ERBB4: variants seen among roughly 807,000 people sequenced by gnomAD.
ERBB4 encodes erb-b2 receptor tyrosine kinase 4, also known as receptor tyrosine-protein kinase erbB-4.
In ERBB4, 42 loss-of-function variants were observed where a neutral mutation model predicts 158.0. The observed-to-expected ratio is 0.27, with a 90% CI of 0.21 to 0.34. The LOEUF (loss-of-function observed/expected upper bound fraction) is 0.34, where lower values mean the gene tolerates loss of function less well. Ranked by LOEUF, ERBB4 falls within the 10% of genes least tolerant of loss-of-function variation. ERBB4 has a pLI of 1.00. For synonymous variants in ERBB4, 583 were observed against 558.7 expected (o/e 1.04, Z -0.61); for missense variants, 1,333 against 1,624.1 (o/e 0.82, Z 3.08).
Position 211,488,187 on chromosome 2 carries a change from T to G in ERBB4, c.2488-57087A>C, listed in dbSNP as rs527884031. Among the ~76,000 whole-genome samples, 6 of 152,220 alleles carry G rather than the reference T, an allele frequency of 3.9e-5. No homozygotes were observed. In the South Asian group the frequency reaches 1.2e-3, roughly 32 times the overall value. Reference sequence around the variant, plus strand: ...AATGTGATTGTTCCTTCCCCCAGCATGTACACTTCCAATACTCAACGGAAT... The same window carrying G: ...AATGTGATTGTTCCTTCCCCCAGCAGGTACACTTCCAATACTCAACGGAAT... On this transcript the variant is annotated intron_variant, in intron 20 of 27. Coordinates refer to ENST00000342788, the MANE Select transcript of ERBB4 (RefSeq NM_005235.3).
chr2:212,484,125 T>C (rs567227905), intron 1 of ERBB4, among the ~76,000 whole-genome samples: 3 of 152,208 alleles, frequency 2.0e-5, no homozygotes, highest in African/African-American at 4.8e-5. Flanking sequence ...TGTATTTCAA[T>C]GAAAAAAAAG....
At chr2:212,216,985 T>TAAGATTG in intron 1 of ERBB4, among the ~76,000 whole-genome samples, 1 of 151,536 alleles carries the variant, frequency 6.6e-6, no homozygotes, top group East Asian at 1.9e-4. Flanking sequence ...GCAATATCCT[T>TAAGATTG]CACATGTATG....
At chr2:212,292,777 T>G (rs2086256357) in intron 1 of ERBB4, among the ~76,000 whole-genome samples, 1 of 152,088 alleles carries the variant, frequency 6.6e-6, no homozygotes, top group African/African-American at 2.4e-5. Context: ...ATTTTGACGC[T>G]TTCTGCGTGA....
chr2:211,790,084 A>T (rs1349424713), intron 3 of ERBB4, among the ~76,000 whole-genome samples: 1 of 152,050 alleles, frequency 6.6e-6, no homozygotes, highest in Non-Finnish European at 1.5e-5. Context: ...ATCAAAGCAG[A>T]AGGGAGACGT....
At chr2:212,389,237 G>A (rs974384156) in intron 1 of ERBB4, among the ~76,000 whole-genome samples, 31 of 151,968 alleles carry the variant, frequency 2.0e-4, no homozygotes, top group African/African-American at 7.0e-4. Context: ...GAGACAAAAA[G>A]TATGATTTAA....
chr2:211,879,959 A>G (rs558826106), intron 3 of ERBB4, among the ~76,000 whole-genome samples: 1 of 150,852 alleles, frequency 6.6e-6, no homozygotes, highest in Non-Finnish European at 1.5e-5. Flanking sequence ...ATATATTTAA[A>G]CTCAATATAT....
At chr2:211,524,510 C>T (rs984421122) in intron 20 of ERBB4, among the ~76,000 whole-genome samples, 3 of 151,710 alleles carry the variant, frequency 2.0e-5, no homozygotes, top group Non-Finnish European at 2.9e-5. Context: ...CTGCAGGTCC[C>T]GAGCCCTGCC....
chr2:212,361,870 C>T (rs973989420), intron 1 of ERBB4, among the ~76,000 whole-genome samples: 4 of 151,480 alleles, frequency 2.6e-5, no homozygotes, highest in Non-Finnish European at 3.0e-5. Flanking sequence ...TTTCACTCTG[C>T]GTTTTAAAAG....
At chr2:212,068,912 G>A (rs531421781) in intron 2 of ERBB4, among the ~76,000 whole-genome samples, 241 of 152,124 alleles carry the variant, frequency 1.6e-3, no homozygotes, top group Admixed American at 3.6e-3. Context: ...ATCTAAGAAC[G>A]TAAATATGAA....
intron 3 of ERBB4, among the ~76,000 whole-genome samples, 165 bp from the exon 4 acceptor site, chr2:211,788,324 G>A (rs887069542): frequency 6.6e-6 from 1 of 151,994 alleles, no homozygotes; most frequent in Non-Finnish European, 1.5e-5. Flanking sequence ...CATATACATT[G>A]ATTACAGGAA....
intron 2 of ERBB4, among the ~76,000 whole-genome samples, chr2:211,972,322 T>C (rs2081477593): frequency 6.6e-6 from 1 of 152,206 alleles, no homozygotes; most frequent in Non-Finnish European, 1.5e-5. Flanking sequence ...AAAATGGTCA[T>C]ACTGCCCAAA....
At chr2:212,300,017 C>T (rs1574631651) in intron 1 of ERBB4, among the ~76,000 whole-genome samples, 1 of 151,520 alleles carries the variant, frequency 6.6e-6, no homozygotes, top group East Asian at 1.9e-4. Flanking sequence ...TTTCCCCCTC[C>T]CTTGTTACCT....
intron 1 of ERBB4, among the ~76,000 whole-genome samples, chr2:212,478,735 C>A (rs1689534929): frequency 6.6e-6 from 1 of 151,938 alleles, no homozygotes; most frequent in African/African-American, 2.4e-5. Context: ...TTAATAATAT[C>A]ATAACCTAAA....
intron 1 of ERBB4, among the ~76,000 whole-genome samples, chr2:212,480,978 T>G (rs752881349): frequency 3.9e-5 from 6 of 152,158 alleles, no homozygotes; most frequent in Non-Finnish European, 7.4e-5. Context: ...TTTGTCATTT[T>G]GAACAAAATT....
chr2:212,171,529 G>A (rs775306363), intron 1 of ERBB4, among the ~76,000 whole-genome samples: 1 of 152,018 alleles, frequency 6.6e-6, no homozygotes, highest in East Asian at 1.9e-4. Context: ...TTGGCTCTGG[G>A]CCCCAACAAG....
chr2:211,597,651 C>T (rs962475144), intron 19 of ERBB4, among the ~76,000 whole-genome samples: 2 of 152,150 alleles, frequency 1.3e-5, no homozygotes, highest in African/African-American at 2.4e-5. Context: ...AGAAAAATTA[C>T]ACAATACAAA....
intron 2 of ERBB4, among the ~76,000 whole-genome samples, chr2:212,072,030 C>G (rs1208270969): frequency 6.6e-6 from 1 of 151,930 alleles, no homozygotes; most frequent in African/African-American, 2.4e-5. Context: ...AATACACTTC[C>G]ATAGTCGTAC....
chr2:212,511,500 C>G, intron 1 of ERBB4, among the ~76,000 whole-genome samples: 1 of 152,134 alleles, frequency 6.6e-6, no homozygotes, highest in Admixed American at 6.5e-5. Flanking sequence ...TGTACAACAG[C>G]TTGGTAATTT....
chr2:212,449,582 G>C (rs1380219980), intron 1 of ERBB4, among the ~76,000 whole-genome samples: 8 of 151,866 alleles, frequency 5.3e-5, no homozygotes, highest in Non-Finnish European at 1.2e-4. Flanking sequence ...AATCTGGTTT[G>C]ACTACATTTC....
Sources: allele counts gnomAD v4.1 joint callset (sites outside exome capture counted in the v4.1 genomes callset), GRCh38; gene constraint gnomAD v4.1.1; transcripts MANE v1.5; gene names NCBI Gene and HGNC (gene_info 2026-07-23, HGNC 2026-07-21).